FOXN3: variants seen among roughly 807,000 people sequenced by gnomAD.
FOXN3 encodes forkhead box protein N3.
Under a neutral mutation model 38.4 loss-of-function variants are expected in FOXN3, and 7 were observed. That is an observed-to-expected ratio of 0.18 (90% CI 0.10 to 0.34). The LOEUF (loss-of-function observed/expected upper bound fraction) is 0.34, where lower values mean the gene tolerates loss of function less well. Ranked by LOEUF, FOXN3 falls within the 10% of genes least tolerant of loss-of-function variation. The pLI, the probability that FOXN3 is intolerant of heterozygous loss-of-function variation, is 1.00. For missense variants in FOXN3, 456 were observed against 613.4 expected (o/e 0.74, Z 2.71); for synonymous variants, 230 against 242.2 (o/e 0.95, Z 0.47).
intron 1 of FOXN3, among the ~76,000 whole-genome samples, chr14:89,432,256 T>C (rs867742289): frequency 6.6e-6 from 1 of 152,184 alleles, no homozygotes; most frequent in African/African-American, 2.4e-5. Flanking sequence ...TCTCCATTTA[T>C]GGGTGGGAGA....
chr14:89,356,051 A>C (rs1222275103), intron 2 of FOXN3, among the ~76,000 whole-genome samples: 2 of 152,068 alleles, frequency 1.3e-5, no homozygotes, highest in Non-Finnish European at 2.9e-5. Flanking sequence ...AAAAGAAAAA[A>C]AAAGAAAAAA....
chr14:89,211,950 G>T (rs1294130979), intron 4 of FOXN3, among the ~76,000 whole-genome samples: 1 of 152,132 alleles, frequency 6.6e-6, no homozygotes, highest in African/African-American at 2.4e-5. Context: ...GTTAGAGGAG[G>T]TCATGTTCTT....
chr14:89,583,291 G>A (rs1487500552), intron 1 of FOXN3, among the ~76,000 whole-genome samples: 2 of 152,216 alleles, frequency 1.3e-5, no homozygotes, highest in African/African-American at 4.8e-5. Context: ...GTTGAGAGGT[G>A]AGGCATCTGG....
intron 4 of FOXN3, among the ~76,000 whole-genome samples, chr14:89,255,438 C>T (rs980853919): frequency 5.3e-5 from 8 of 151,974 alleles, no homozygotes; most frequent in Admixed American, 2.0e-4. Context: ...TTGGTTCTCT[C>T]GGTGTCAGAC....
intron 2 of FOXN3, chr14:89,356,266 G>GGGT (rs1384604899): frequency 6.6e-6 from 1 of 151,938 alleles, no homozygotes; most frequent in Non-Finnish European, 1.5e-5. Context: ...GCATGATGGA[G>GGGT]GGTGCCTGTA....
chr14:89,246,167 A>G (rs1444479479), intron 4 of FOXN3, among the ~76,000 whole-genome samples: 2 of 152,350 alleles, frequency 1.3e-5, no homozygotes, highest in Admixed American at 6.5e-5. Context: ...TTATATTTCA[A>G]TAAAACCCAT....
chr14:89,403,075 T>G (rs907436282), intron 2 of FOXN3, among the ~76,000 whole-genome samples: 1 of 152,258 alleles, frequency 6.6e-6, no homozygotes, highest in Admixed American at 6.5e-5. Flanking sequence ...AATCTCACAC[T>G]GATCGGCACA....
intron 1 of FOXN3, among the ~76,000 whole-genome samples, chr14:89,572,692 G>C (rs1393164868): frequency 1.3e-5 from 2 of 152,218 alleles, no homozygotes; most frequent in Non-Finnish European, 1.5e-5. Flanking sequence ...CAGAGTGCTG[G>C]TTAAACATGA....
intron 1 of FOXN3, among the ~76,000 whole-genome samples, chr14:89,561,740 A>G (rs1037519268): frequency 6.9e-6 from 1 of 144,014 alleles, no homozygotes; most frequent in Non-Finnish European, 1.6e-5. Context: ...ATTTACAATC[A>G]TATCAAAATA....
At chr14:89,546,329 CTTTTT>C (rs1157998619) in intron 1 of FOXN3, among the ~76,000 whole-genome samples, 1 of 78,314 alleles carries the variant, frequency 1.3e-5, no homozygotes. Flanking sequence ...TTTCCTTTTT[CTTTTT>C]TTTTTTTTTT....
At chr14:89,355,825 T>A (rs2140017238) in intron 2 of FOXN3, among the ~76,000 whole-genome samples, 1 of 152,280 alleles carries the variant, frequency 6.6e-6, no homozygotes, top group Non-Finnish European at 1.5e-5. Context: ...TGGTTGTGTT[T>A]TTTCCCCCTT....
At chr14:89,596,043 A>G (rs1297531862) in intron 1 of FOXN3, among the ~76,000 whole-genome samples, 4 of 152,200 alleles carry the variant, frequency 2.6e-5, no homozygotes, top group Non-Finnish European at 5.9e-5. Flanking sequence ...GCATTTCTAG[A>G]AGATAACCAA....
At position 89,172,824 on chromosome 14, in the gene FOXN3, T is replaced by C. The variant is rs533333149; in HGVS notation, c.851+7877A>G. 3.5e-4 allele frequency among the ~76,000 whole-genome samples: 54 copies of C among 152,360 alleles called. No individual in the cohort carries two copies. In the South Asian group the frequency reaches 7.7e-3, roughly 22 times the overall value. On this transcript the variant is annotated intron_variant, in intron 5 of 5. Transcript: ENST00000557258. ...TTTGAAAAATATTTAAGTGTATCTT[T>C]ATCTCACACTGTAACTCCAGATGGA...
rs1157104198 is a variant in FOXN3 at position 89,277,867 on chromosome 14, G to A, written c.745+3083C>T. ...TGTCTATGAAGTGCTCAGGTTCCGC[G>A]CTGTTGCTATGGTCTCTGTGAAGCT... On this transcript the variant is annotated intron_variant, in intron 4 of 5. Transcript: ENST00000557258. 2.6e-5 allele frequency among the ~76,000 whole-genome samples: 4 copies of A among 152,204 alleles called. No individual in the cohort carries two copies. The East Asian group carries it at 7.7e-4, about 29-fold the overall frequency.
At chr14:89,290,664 G>C (rs138457176) in intron 3 of FOXN3, 55 of 445,822 alleles carry the variant, frequency 1.2e-4, no homozygotes, top group African/African-American at 1.1e-3. Context: ...ATGTTGCTGG[G>C]AAGGATGAGG....
chr14:89,403,725 T>C (rs1891310695), intron 2 of FOXN3, among the ~76,000 whole-genome samples: 1 of 152,192 alleles, frequency 6.6e-6, no homozygotes. Context: ...TGCAACATTT[T>C]CTCAATAGGA....
chr14:89,259,109 G>A (rs1885718111), intron 4 of FOXN3, among the ~76,000 whole-genome samples: 1 of 152,228 alleles, frequency 6.6e-6, no homozygotes, highest in Non-Finnish European at 1.5e-5. Context: ...CAGTCACTCA[G>A]AGACAAGAAG....
chr14:89,402,699 T>C (rs771700419), intron 2 of FOXN3, among the ~76,000 whole-genome samples: 1 of 152,142 alleles, frequency 6.6e-6, no homozygotes, highest in African/African-American at 2.4e-5. Flanking sequence ...AATGGGAACA[T>C]GCTAGCTGAT....
intron 1 of FOXN3, among the ~76,000 whole-genome samples, chr14:89,597,928 G>A (rs1896091241): frequency 6.6e-6 from 1 of 151,932 alleles, no homozygotes; most frequent in African/African-American, 2.4e-5. Flanking sequence ...GCTGATATTT[G>A]ATATAAATCT....
Sources: allele counts gnomAD v4.1 joint callset (sites outside exome capture counted in the v4.1 genomes callset), GRCh38; gene constraint gnomAD v4.1.1; transcripts MANE v1.5; gene names NCBI Gene and HGNC (gene_info 2026-07-23, HGNC 2026-07-21).